TECR: variants seen among roughly 807,000 people sequenced by gnomAD.
TECR encodes very-long-chain enoyl-CoA reductase.
In TECR, 19 loss-of-function variants were observed where a neutral mutation model predicts 50.6. The observed-to-expected ratio is 0.38, with a 90% confidence interval of 0.26 to 0.55. TECR has a LOEUF of 0.55. Ranked by LOEUF, TECR falls within the 20% of genes least tolerant of loss-of-function variation. The pLI, the probability that TECR is intolerant of heterozygous loss-of-function variation, is 0.79. For missense variants in TECR, 313 were observed against 408.3 expected (o/e 0.77, Z 2.01); for synonymous variants, 168 against 163.5 (o/e 1.03, Z -0.21).
intron 1 of TECR, among the ~76,000 whole-genome samples, chr19:14,557,794 C>T (rs375963927): frequency 4.3e-4 from 64 of 150,526 alleles, no homozygotes; most frequent in East Asian, 2.8e-3. Context: ...CTTGCTCTGT[C>T]GCCCAGGCTG....
chr19:14,542,082 C>T lies in TECR; in HGVS notation c.15+12371C>T, dbSNP rs578196271. On this transcript the variant is annotated intron_variant, in intron 1 of 12. Transcript: ENST00000215567. ...ACAGGCGTGAGCCACTGCCCTGCCTCATTTTGATGGCAATGAAAGTCCCTT... is the reference window on the plus strand; with the variant it reads ...ACAGGCGTGAGCCACTGCCCTGCCTTATTTTGATGGCAATGAAAGTCCCTT... Among the ~76,000 whole-genome samples the T allele has an allele frequency of 5.8e-4, 88 of 152,038 alleles. 1 individual carries two copies. Among genetic ancestry groups the T allele is most frequent in the Non-Finnish European group, 1.1e-3 (78 of 67,998 alleles).
At chr19:14,532,125 A>T (rs1309447219) in intron 1 of TECR, 1 of 152,106 alleles carries the variant, frequency 6.6e-6, no homozygotes, top group African/African-American at 2.4e-5. Flanking sequence ...ACAGTCAGAT[A>T]AAGTAGGCCT....
intron 1 of TECR, among the ~76,000 whole-genome samples, chr19:14,542,598 G>A (rs1470885395): frequency 6.6e-6 from 1 of 151,458 alleles, no homozygotes; most frequent in Non-Finnish European, 1.5e-5. Context: ...CTGACCTCAG[G>A]TGATCTACAC....
chr19:14,559,576 C>T (rs2073844003), intron 1 of TECR, among the ~76,000 whole-genome samples: 1 of 152,104 alleles, frequency 6.6e-6, no homozygotes, highest in East Asian at 1.9e-4. Context: ...TGCCTGAGCT[C>T]AGGAGTTCGA....
At chr19:14,554,282 C>T (rs989228256) in intron 1 of TECR, among the ~76,000 whole-genome samples, 1 of 152,144 alleles carries the variant, frequency 6.6e-6, no homozygotes, top group Non-Finnish European at 1.5e-5. Flanking sequence ...AACTGTTGGT[C>T]GCTGTTCTCA....
intron 1 of TECR, among the ~76,000 whole-genome samples, chr19:14,552,543 C>CT (rs1320282714): frequency 3.4e-5 from 5 of 146,854 alleles, no homozygotes; most frequent in East Asian, 2.0e-4. Context: ...CTTTTCTTTT[C>CT]TTTTTTTTTG....
intron 1 of TECR, among the ~76,000 whole-genome samples, chr19:14,555,224 G>C (rs554037628): frequency 2.6e-5 from 4 of 151,714 alleles, no homozygotes; most frequent in African/African-American, 7.3e-5. Context: ...AGGACCATAG[G>C]TGCGAGTCAC....
intron 1 of TECR, among the ~76,000 whole-genome samples, chr19:14,558,837 T>C (rs2073822175): frequency 6.6e-6 from 1 of 152,134 alleles, no homozygotes; most frequent in Non-Finnish European, 1.5e-5. Flanking sequence ...CCGCTTCTCC[T>C]GGAGATGGGG....
chr19:14,562,286 G>T, intron 1 of TECR: 1 of 615,846 alleles, frequency 1.6e-6, no homozygotes, highest in Non-Finnish European at 2.9e-6. Context: ...GCGCTTGCCC[G>T]GCCCAGGGCT....
intron 1 of TECR, among the ~76,000 whole-genome samples, chr19:14,533,095 G>C (rs1366273912): frequency 6.9e-6 from 1 of 145,760 alleles, no homozygotes; most frequent in East Asian, 2.0e-4. Flanking sequence ...CTGGGTGACA[G>C]AGCGAGACTC....
rs1263245588 is a variant in TECR at position 14,565,532 on chromosome 19, C to T, written c.754-86C>T. On this transcript the variant is annotated intron_variant, in intron 11 of 12. Transcript: ENST00000215567. ...CCATCCCTGACTCAGAAAGCAGGGGCGGCGGGAGGTGGCTGGCTGAGTCCA... is the reference window on the plus strand; with the variant it reads ...CCATCCCTGACTCAGAAAGCAGGGGTGGCGGGAGGTGGCTGGCTGAGTCCA... 2.6e-6 allele frequency: 4 copies of T among 1,538,840 alleles called. No individual in the cohort carries two copies. In the Admixed American group the frequency reaches 5.7e-5, roughly 22 times the overall value.
chr19:14,540,028 C>G (rs1025613060), intron 1 of TECR, among the ~76,000 whole-genome samples: 3 of 151,210 alleles, frequency 2.0e-5, no homozygotes, highest in East Asian at 1.9e-4. Context: ...TACAGGTACC[C>G]GCCACCATGC....
In TECR at chr19:14,542,347, G is replaced by GTTTTTTTTTTTTTTTTT. The variant is rs71166754; in HGVS notation, c.15+12649_15+12665dup. Among the ~76,000 whole-genome samples the GTTTTTTTTTTTTTTTTT allele has an allele frequency of 6.5e-4, 28 of 43,302 alleles. 6 individuals carry two copies. Among genetic ancestry groups the GTTTTTTTTTTTTTTTTT allele is most frequent in the Non-Finnish European group, 9.6e-4 (22 of 22,814 alleles). 28.4% of individuals were successfully genotyped at this position (43,302 alleles called of 152,430 possible). A position where few individuals can be genotyped will look rare whatever the true frequency, so the allele number is the denominator to read the frequency against. On this transcript the variant is annotated intron_variant, in intron 1 of 12. Coordinates refer to ENST00000215567, the MANE Select transcript of TECR (RefSeq NM_138501.6). ...CCTCAGGGGGCCCTCATGCCATAGT[G>GTTTTTTTTTTTTTTTTT]TTTTTTTTTTTTTTTTTTTTTTTTT...
At chr19:14,560,368 C>T (rs1038307357) in intron 1 of TECR, among the ~76,000 whole-genome samples, 5 of 152,178 alleles carry the variant, frequency 3.3e-5, no homozygotes, top group Admixed American at 1.3e-4. Context: ...ACAGGCCACA[C>T]GGGCTTGGAA....
rs1253118627 is a variant in TECR, at chr19:14,562,579, G to C, written c.66+4G>C. 2 of 1,614,204 alleles carry C rather than the reference G, an allele frequency of 1.2e-6. No homozygotes were observed. Among genetic ancestry groups the C allele is most frequent in the South Asian group, 2.2e-5 (2 of 91,086 alleles). ...GAAGCTGTGTTTCTTGGACAAGGTA[G>C]GACTGGGGCGTGGGCTGCACTGGGC... On this transcript the variant is annotated splice_donor_region_variant and intron_variant, in intron 2 of 12. Transcript: ENST00000215567.
At chr19:14,531,088 G>T (rs1048132644) in intron 1 of TECR, 2 of 152,130 alleles carry the variant, frequency 1.3e-5, no homozygotes, top group African/African-American at 2.4e-5. Context: ...GGGCTGGAGT[G>T]CAATGGCGCG....
intron 1 of TECR, among the ~76,000 whole-genome samples, chr19:14,560,731 A>G (rs1599491571): frequency 1.3e-5 from 2 of 152,304 alleles, no homozygotes; most frequent in Non-Finnish European, 2.9e-5. Context: ...TGCTGGGCCC[A>G]TTCCCACCCT....
chr19:14,561,773 A>G lies in TECR; in HGVS notation c.16-752A>G, dbSNP rs558512991. On this transcript the variant is annotated intron_variant, in intron 1 of 12. Transcript: ENST00000215567. Reference sequence around the variant, plus strand: ...TGCACCCATAACTCCAGAATCTGTCACCTCCCTGGTAACACAAATGCACAA... The same window carrying G: ...TGCACCCATAACTCCAGAATCTGTCGCCTCCCTGGTAACACAAATGCACAA... Among the ~76,000 whole-genome samples the G allele has an allele frequency of 6.0e-4, 91 of 152,260 alleles. 1 individual carries two copies. Among genetic ancestry groups the G allele is most frequent in the African/African-American group, 2.1e-3 (87 of 41,532 alleles).
chr19:14,552,177 T>TC (rs948244663), intron 1 of TECR, among the ~76,000 whole-genome samples: 1 of 149,604 alleles, frequency 6.7e-6, no homozygotes, highest in Non-Finnish European at 1.5e-5. Flanking sequence ...TTTTTCTTTT[T>TC]TTTTTTTTTT....
Sources: gnomAD v4.1 joint callset for allele counts (sites outside exome capture counted in the v4.1 genomes callset) on GRCh38, gnomAD v4.1.1 for gene constraint, MANE v1.5 for transcripts, NCBI Gene and HGNC (gene_info 2026-07-23, HGNC 2026-07-21) for gene names.